The following OCA2 variants were observed in gnomAD, a reference collection of about 807,000 sequenced individuals.
OCA2 encodes the protein P protein.
Under a neutral mutation model 100.2 loss-of-function variants are expected in OCA2, and 77 were observed. The ratio of observed to expected loss-of-function variants is 0.77; its 90% CI spans 0.64 to 0.93. The LOEUF (loss-of-function observed/expected upper bound fraction) is 0.93. OCA2 is among the 40% of genes least tolerant of loss of function. The pLI is 0.00. For synonymous variants in OCA2, 432 were observed against 439.2 expected (o/e 0.98, Z 0.21); for missense variants, 1,062 against 1,089.1 (o/e 0.98, Z 0.35).
Position 27,957,587 on chromosome 15 carries a change from C to A in OCA2, c.1784+1G>T. On this transcript the variant is annotated splice_donor_variant, in intron 16 of 23. Transcript: ENST00000354638. LOFTEE classifies it high-confidence loss of function. This position sits in a 1 kb window ranked among gnomAD's most constrained non-coding sequence, Gnocchi z 4.3. ...AGTCTGAGCAGGACCCCGCCCGGTA[C>A]CTGTGGAAGGTGTGCAGCCTCCGGG... is the stretch of plus-strand genomic sequence containing the variant. 6.2e-7 allele frequency: 1 copy of A among 1,612,452 alleles called. No homozygotes were observed. The highest frequency in any genetic ancestry group is 8.5e-7 in the Non-Finnish European group (1 of 1,179,862).
intron 14 of OCA2, among the ~76,000 whole-genome samples, chr15:27,972,375 T>C (rs550113028): frequency 1.2e-4 from 19 of 152,356 alleles, no homozygotes; most frequent in African/African-American, 3.6e-4. Context: ...AGTGACTGGA[T>C]TGCTGGATTG....
At chr15:28,015,047 C>A in intron 8 of OCA2, 118 bp from the exon 9 acceptor site, 1 of 1,087,002 alleles carries the variant, frequency 9.2e-7, no homozygotes, top group Non-Finnish European at 1.4e-6. Context: ...AACGCCCAAT[C>A]TCACAGCTGG....
At chr15:27,741,485 A>G in the OCA2 span, among the ~76,000 whole-genome samples, 2 of 152,218 alleles carry the variant, frequency 1.3e-5, no homozygotes, top group Non-Finnish European at 1.5e-5. Context: ...AGCAGAAAAC[A>G]TTCTCAGTGG....
intron 19 of OCA2, among the ~76,000 whole-genome samples, chr15:27,900,642 G>T (rs1347544794): frequency 6.6e-6 from 1 of 152,204 alleles, no homozygotes; most frequent in East Asian, 1.9e-4. Context: ...GCCATGTGAA[G>T]CTCCACATGT....
chr15:27,770,196 A>T (rs1057157303), intron 23 of OCA2, among the ~76,000 whole-genome samples: 4 of 152,346 alleles, frequency 2.6e-5, no homozygotes, highest in Middle Eastern at 3.4e-3. Flanking sequence ...CACACAAAGC[A>T]AGAGCGTTTC....
intron 19 of OCA2, among the ~76,000 whole-genome samples, chr15:27,883,688 T>TACC (rs2037114510): frequency 6.6e-6 from 1 of 152,170 alleles, no homozygotes; most frequent in Non-Finnish European, 1.5e-5. Flanking sequence ...CCATCAGGTG[T>TACC]ACCATGGCAG....
At chr15:27,990,334 G>A (rs1046359368) in intron 10 of OCA2, among the ~76,000 whole-genome samples, 1 of 152,212 alleles carries the variant, frequency 6.6e-6, no homozygotes, top group Non-Finnish European at 1.5e-5. Context: ...CCCATGAGGA[G>A]CCTTTCCTCC....
chr15:27,817,617 T>A (rs2034352346), intron 23 of OCA2, among the ~76,000 whole-genome samples: 1 of 152,050 alleles, frequency 6.6e-6, no homozygotes, highest in Non-Finnish European at 1.5e-5. Context: ...CCCTCCATGA[T>A]CCTCTTAGAA....
chr15:27,744,179 G>A, the OCA2 span, among the ~76,000 whole-genome samples: 4 of 152,176 alleles, frequency 2.6e-5, no homozygotes, highest in Non-Finnish European at 4.4e-5. Flanking sequence ...ACTAAGATCC[G>A]GGGTGTCAGC....
chr15:27,927,373 G>A (rs1384470631), intron 18 of OCA2, among the ~76,000 whole-genome samples: 4 of 152,140 alleles, frequency 2.6e-5, no homozygotes, highest in Non-Finnish European at 4.4e-5. Flanking sequence ...CTAGTGTGTG[G>A]CTATATTACA....
intron 17 of OCA2, among the ~76,000 whole-genome samples, chr15:27,952,756 G>A (rs1237130622): frequency 2.0e-5 from 3 of 151,752 alleles, no homozygotes; most frequent in South Asian, 4.2e-4. Context: ...TCAGCTCAAC[G>A]CAACCTCCGC....
At chr15:27,868,740 C>T (rs1315608309) in intron 21 of OCA2, among the ~76,000 whole-genome samples, 2 of 152,294 alleles carry the variant, frequency 1.3e-5, no homozygotes, top group South Asian at 2.1e-4. Flanking sequence ...CACATATATA[C>T]ACATAAGCAC....
chr15:27,883,325 A>G (rs1199129042), intron 19 of OCA2, among the ~76,000 whole-genome samples: 1 of 152,146 alleles, frequency 6.6e-6, no homozygotes, highest in African/African-American at 2.4e-5. Context: ...TTCAGAGTCC[A>G]TATGTAGTTG....
chr15:28,045,364 A>G (rs568504902), intron 2 of OCA2, among the ~76,000 whole-genome samples: 4 of 152,256 alleles, frequency 2.6e-5, no homozygotes, highest in Admixed American at 1.3e-4. Flanking sequence ...TGTGGTTCAC[A>G]TACAAGAAGA....
the OCA2 span, among the ~76,000 whole-genome samples, chr15:27,719,106 C>A: frequency 6.6e-6 from 1 of 152,172 alleles, no homozygotes; most frequent in African/African-American, 2.4e-5. Flanking sequence ...GGGCTAATTC[C>A]TATACTACTG....
intron 15 of OCA2, among the ~76,000 whole-genome samples, chr15:27,963,747 AAAAT>A (rs1401078349): frequency 3.3e-5 from 5 of 152,192 alleles, no homozygotes; most frequent in East Asian, 3.9e-4. Flanking sequence ...AAGCAGAAAA[AAAAT>A]AAATAAAGAG....
At chr15:27,896,167 T>C in intron 19 of OCA2, 2 of 933,746 alleles carry the variant, frequency 2.1e-6, no homozygotes, top group Non-Finnish European at 3.5e-6. Flanking sequence ...GGCAATGAAG[T>C]TTTTGGTGCC....
chr15:27,964,466 G>A (rs188535445), intron 15 of OCA2, among the ~76,000 whole-genome samples: 2 of 152,348 alleles, frequency 1.3e-5, no homozygotes, highest in African/African-American at 4.8e-5. Flanking sequence ...CCTTGTGACT[G>A]GGTGGGGCCT....
chr15:27,979,108 A>G (rs1052381822), intron 14 of OCA2, among the ~76,000 whole-genome samples: 3 of 152,210 alleles, frequency 2.0e-5, no homozygotes, highest in Admixed American at 6.5e-5. Flanking sequence ...CTCAACTTTG[A>G]TGTAATGTAC....
Sources: gnomAD v4.1 joint callset for allele counts (sites outside exome capture counted in the v4.1 genomes callset) on GRCh38, gnomAD v4.1.1 for gene constraint, Gnocchi (gnomAD v3.1) non-coding constraint, MANE v1.5 for transcripts, NCBI Gene and HGNC (gene_info 2026-07-23, HGNC 2026-07-21) for gene names.